NRXN3: variants seen among roughly 807,000 people sequenced by gnomAD.
The protein encoded by NRXN3 is neurexin 3, also known as neurexin III.
NRXN3 carries 32 observed loss-of-function variants against 137.6 expected under a neutral mutation model. The observed-to-expected ratio is 0.23, with a 90% CI of 0.18 to 0.31. The LOEUF is 0.31. NRXN3 is among the 10% of genes least tolerant of loss of function. The pLI, the probability that NRXN3 is intolerant of heterozygous loss-of-function variation, is 1.00. For missense variants in NRXN3, 1,574 were observed against 2,062.5 expected (o/e 0.76, Z 4.59); for synonymous variants, 798 against 784.5 (o/e 1.02, Z -0.29).
chr14:78,905,520 T>A (rs1238639864), intron 10 of NRXN3, among the ~76,000 whole-genome samples: 4 of 152,062 alleles, frequency 2.6e-5, no homozygotes, highest in East Asian at 1.9e-4. Context: ...TGAGAGTTTA[T>A]CATGTATAAA....
intron 8 of NRXN3, among the ~76,000 whole-genome samples, chr14:78,747,031 A>G (rs1224521487): frequency 6.6e-6 from 1 of 152,186 alleles, no homozygotes; most frequent in African/African-American, 2.4e-5. Context: ...GTAAGCTCCC[A>G]GGGCAGGTAT....
intron 15 of NRXN3, among the ~76,000 whole-genome samples, chr14:79,355,610 T>G (rs1030901083): frequency 6.6e-6 from 1 of 152,244 alleles, no homozygotes; most frequent in Non-Finnish European, 1.5e-5. Context: ...ACTATGGTTA[T>G]TTTTATTCTT....
chr14:79,377,104 G>T (rs769833328), intron 15 of NRXN3, among the ~76,000 whole-genome samples: 1 of 152,204 alleles, frequency 6.6e-6, no homozygotes, highest in Admixed American at 6.5e-5. Flanking sequence ...TATCGTGAAA[G>T]TTTAACACAG....
intron 8 of NRXN3, among the ~76,000 whole-genome samples, chr14:78,741,782 AT>A (rs2098575959): frequency 6.6e-6 from 1 of 152,194 alleles, no homozygotes; most frequent in African/African-American, 2.4e-5. Flanking sequence ...TTCATCTTGT[AT>A]AACCAAAACT....
intron 10 of NRXN3, among the ~76,000 whole-genome samples, chr14:78,819,547 C>T (rs1567408674): frequency 6.6e-6 from 1 of 152,042 alleles, no homozygotes; most frequent in Non-Finnish European, 1.5e-5. Context: ...TTTTGGTATT[C>T]ACAAGGGTCC....
intron 4 of NRXN3, among the ~76,000 whole-genome samples, chr14:78,592,962 T>C (rs1302147453): frequency 1.3e-5 from 2 of 152,204 alleles, no homozygotes; most frequent in African/African-American, 4.8e-5. Flanking sequence ...TGAGGTCTGA[T>C]GTCGTCGTCA....
intron 15 of NRXN3, among the ~76,000 whole-genome samples, chr14:79,198,009 A>G (rs1296764541): frequency 6.6e-6 from 1 of 152,172 alleles, no homozygotes; most frequent in Non-Finnish European, 1.5e-5. Flanking sequence ...TTGCTCATCT[A>G]TAAGAAGCAG....
chr14:79,332,663 G>A (rs1161900154), intron 15 of NRXN3, among the ~76,000 whole-genome samples: 1 of 152,144 alleles, frequency 6.6e-6, no homozygotes, highest in Non-Finnish European at 1.5e-5. Context: ...CCCAGCGCTG[G>A]ATACTCTGAG....
intron 2 of NRXN3, among the ~76,000 whole-genome samples, chr14:78,266,341 C>T (rs1050370190): frequency 4.6e-5 from 7 of 152,000 alleles, no homozygotes; most frequent in Non-Finnish European, 1.0e-4. Flanking sequence ...ACTCTGTCGC[C>T]AGGCTGGAGT....
intron 10 of NRXN3, among the ~76,000 whole-genome samples, chr14:78,880,819 C>G (rs1421846075): frequency 6.6e-6 from 1 of 152,020 alleles, no homozygotes; most frequent in Non-Finnish European, 1.5e-5. Context: ...CTTTCAAGAA[C>G]CTTTACAGGC....
At chr14:78,321,281 A>G (rs534273438) in intron 4 of NRXN3, among the ~76,000 whole-genome samples, 1 of 152,100 alleles carries the variant, frequency 6.6e-6, no homozygotes, top group African/African-American at 2.4e-5. Flanking sequence ...CAGCATATCT[A>G]ATAAAAACAT....
At chr14:78,857,387 T>C (rs191205591) in intron 10 of NRXN3, among the ~76,000 whole-genome samples, 305 of 152,236 alleles carry the variant, frequency 2.0e-3, no homozygotes, top group Non-Finnish European at 3.5e-3. Flanking sequence ...CGCAATCCAT[T>C]ACAAGCATGG....
chr14:79,106,587 A>G (rs757043245), intron 15 of NRXN3, among the ~76,000 whole-genome samples: 6 of 152,162 alleles, frequency 3.9e-5, no homozygotes, highest in Non-Finnish European at 7.4e-5. Context: ...TTTTCATTTG[A>G]TTCTACATAA....
At chr14:79,820,798 A>G (rs1394367972) in intron 20 of NRXN3, among the ~76,000 whole-genome samples, 1 of 152,162 alleles carries the variant, frequency 6.6e-6, no homozygotes, top group Non-Finnish European at 1.5e-5. Flanking sequence ...TTAGAAATCT[A>G]TGGAGAAGAA....
intron 4 of NRXN3, among the ~76,000 whole-genome samples, chr14:78,638,465 G>A (rs2097585235): frequency 6.6e-6 from 1 of 152,112 alleles, no homozygotes; most frequent in Non-Finnish European, 1.5e-5. Flanking sequence ...AATGAGACAG[G>A]GAGAGCCAAG....
chr14:79,723,273 G>A (rs948165286), intron 19 of NRXN3, among the ~76,000 whole-genome samples: 35 of 152,124 alleles, frequency 2.3e-4, no homozygotes, highest in African/African-American at 8.0e-4. Flanking sequence ...AAGACAAAGG[G>A]GACTGAAATG....
intron 16 of NRXN3, among the ~76,000 whole-genome samples, chr14:79,530,937 T>C (rs547678719): frequency 5.3e-5 from 8 of 152,326 alleles, no homozygotes; most frequent in Admixed American, 2.6e-4. Context: ...TTAGAATTTA[T>C]TGTTTATCTC....
At chr14:79,745,726 C>T (rs1316927452) in intron 19 of NRXN3, among the ~76,000 whole-genome samples, 1 of 152,070 alleles carries the variant, frequency 6.6e-6, no homozygotes, top group Non-Finnish European at 1.5e-5. Flanking sequence ...CTAGAAGTCT[C>T]AAAACAAGGT....
At chr14:78,672,255 A>G (rs1345988088) in intron 6 of NRXN3, among the ~76,000 whole-genome samples, 2 of 152,186 alleles carry the variant, frequency 1.3e-5, no homozygotes, top group Non-Finnish European at 2.9e-5. Context: ...TCTAGACAGA[A>G]CTCAACCAAA....
Sources: allele counts gnomAD v4.1 joint callset (sites outside exome capture counted in the v4.1 genomes callset), GRCh38; gene constraint gnomAD v4.1.1; transcripts MANE v1.5; gene names NCBI Gene and HGNC (gene_info 2026-07-23, HGNC 2026-07-21).